Variants in STXBP5L observed in about 807,000 individuals in gnomAD.
The protein encoded by STXBP5L is syntaxin-binding protein 5-like.
A neutral mutation model predicts 144.5 loss-of-function variants in STXBP5L; 65 were observed. That is an observed-to-expected ratio of 0.45 (90% CI 0.37 to 0.55). STXBP5L has a LOEUF of 0.55. STXBP5L is among the 20% of genes least tolerant of loss of function. The pLI, the probability that STXBP5L is intolerant of heterozygous loss-of-function variation, is 0.00. For missense variants in STXBP5L, 1,298 were observed against 1,405.5 expected, an observed-to-expected ratio of 0.92 and a Z score of 1.22; for synonymous variants, 505 against 469.6, an observed-to-expected ratio of 1.08 and a Z score of -0.97.
intron 5 of STXBP5L, among the ~76,000 whole-genome samples, chr3:121,077,770 C>G (rs1468386034): frequency 6.6e-6 from 1 of 152,126 alleles, no homozygotes; most frequent in Non-Finnish European, 1.5e-5. Flanking sequence ...TAGCTAGATA[C>G]AGAGTGTCAA....
intron 10 of STXBP5L, among the ~76,000 whole-genome samples, chr3:121,209,723 G>T (rs2048481340): frequency 6.6e-6 from 1 of 152,076 alleles, no homozygotes; most frequent in African/African-American, 2.4e-5. Context: ...GAGAATGATG[G>T]TTTCCAGCTT....
intron 23 of STXBP5L, among the ~76,000 whole-genome samples, chr3:121,410,437 A>G (rs573202157): frequency 2.0e-5 from 3 of 152,154 alleles, no homozygotes; most frequent in South Asian, 4.1e-4. Flanking sequence ...CTAGGAAACA[A>G]TGGTATGTAC....
At chr3:121,043,036 G>C (rs1226029524) in intron 4 of STXBP5L, among the ~76,000 whole-genome samples, 1 of 151,778 alleles carries the variant, frequency 6.6e-6, no homozygotes, top group Non-Finnish European at 1.5e-5. Context: ...TACTGGGTCT[G>C]ATCCTTTGAG....
intron 5 of STXBP5L, among the ~76,000 whole-genome samples, chr3:121,070,870 G>A (rs1022484009): frequency 3.3e-5 from 5 of 152,186 alleles, no homozygotes; most frequent in Admixed American, 2.6e-4. Context: ...TGTGGGGTTG[G>A]TATATAATGG....
chr3:121,319,554 A>T (rs2043900356), intron 20 of STXBP5L, among the ~76,000 whole-genome samples: 1 of 152,204 alleles, frequency 6.6e-6, no homozygotes, highest in African/African-American at 2.4e-5. Flanking sequence ...TATTGTAAAG[A>T]CTGTCTCATA....
intron 9 of STXBP5L, among the ~76,000 whole-genome samples, chr3:121,169,750 G>A (rs199950652): frequency 6.6e-6 from 1 of 152,178 alleles, no homozygotes; most frequent in Non-Finnish European, 1.5e-5. Context: ...AATAGTGGGA[G>A]GCTTCAACAC....
intron 19 of STXBP5L, among the ~76,000 whole-genome samples, chr3:121,312,446 C>CTTTTTTTTTTTTTTTTTTTTTTTT (rs58989280): frequency 7.8e-5 from 1 of 12,752 alleles, no homozygotes; most frequent in African/African-American, 4.3e-4. Flanking sequence ...GTATGTCAAT[C>CTTTTTTTTTTTTTTTTTTTTTTTT]TTTTTTTTTT....
chr3:121,082,409 A>G lies in STXBP5L; in HGVS notation c.471-32516A>G, dbSNP rs149817276. Among the ~76,000 whole-genome samples, 361 of 152,240 alleles carry G rather than the reference A, an allele frequency of 2.4e-3. 2 individuals are homozygous for G. Among genetic ancestry groups the G allele is most frequent in the Middle Eastern group, 0.01 (3 of 294 alleles). On this transcript the variant is annotated intron_variant, in intron 5 of 26. Transcript: ENST00000471454. ...TGTTTGGCACATGTTCATTGCTGAT[A>G]TATAGAAATACAATTAATTTTTGTT...
intron 9 of STXBP5L, among the ~76,000 whole-genome samples, chr3:121,199,946 T>G (rs555190661): frequency 1.3e-5 from 2 of 152,278 alleles, no homozygotes; most frequent in African/African-American, 4.8e-5. Flanking sequence ...GAAATTTTCT[T>G]TTTTTCTTGT....
chr3:121,335,137 A>T lies in STXBP5L; in HGVS notation c.2176+16597A>T, dbSNP rs543316541. 3.3e-5 allele frequency among the ~76,000 whole-genome samples: 5 copies of T among 152,332 alleles called. No homozygotes were observed. The East Asian group carries it at 7.7e-4, about 23-fold the overall frequency. On this transcript the variant is annotated intron_variant, in intron 20 of 26. Coordinates refer to ENST00000471454, the MANE Select transcript of STXBP5L (RefSeq NM_001308330.2). The stretch of plus-strand genomic sequence containing the variant: ...AGGATACAAGAATCAATGTACAAAA[A>T]TTACTAGCATTTCTATACACCAACA...
chr3:121,237,898 G>T (rs1274372422), intron 12 of STXBP5L, among the ~76,000 whole-genome samples: 4 of 152,144 alleles, frequency 2.6e-5, no homozygotes, highest in Non-Finnish European at 5.9e-5. Flanking sequence ...GTTCCAATAA[G>T]TTCCTAATTT....
rs541376589 is a variant in STXBP5L at position 121,041,926 on chromosome 3, A to T, written c.369+145A>T. The T allele has an allele frequency of 1.2e-5, 7 of 582,092 alleles. No individual in the cohort carries two copies. In the South Asian group the frequency reaches 1.5e-4, roughly 13 times the overall value. 36.1% of individuals were successfully genotyped at this position (582,092 alleles called of 1,614,324 possible). On this transcript the variant is annotated intron_variant, in intron 4 of 26. Coordinates refer to ENST00000471454, the MANE Select transcript of STXBP5L (RefSeq NM_001308330.2). ...CTTCTGATTATATTTTTCACAAAAG[A>T]CTGTACTCCTGTATTGGTTAATTTA...
intron 9 of STXBP5L, among the ~76,000 whole-genome samples, chr3:121,178,797 C>T (rs1251989011): frequency 6.6e-6 from 1 of 152,168 alleles, no homozygotes; most frequent in African/African-American, 2.4e-5. Context: ...CCAGGGAAGC[C>T]ATCCCTGACT....
chr3:121,250,789 G>C, intron 15 of STXBP5L, 26 bp downstream of exon 15: 1 of 1,595,940 alleles, frequency 6.3e-7, no homozygotes. Context: ...CTGTACAACA[G>C]AAACCAATTG....
intron 7 of STXBP5L, among the ~76,000 whole-genome samples, chr3:121,150,697 A>T (rs901945035): frequency 1.3e-5 from 2 of 152,100 alleles, no homozygotes; most frequent in Non-Finnish European, 2.9e-5. Flanking sequence ...AGATTATATT[A>T]TTCATTTTAT....
intron 20 of STXBP5L, among the ~76,000 whole-genome samples, chr3:121,320,889 C>T (rs1455846226): frequency 2.6e-5 from 4 of 151,904 alleles, no homozygotes; most frequent in Non-Finnish European, 2.9e-5. Context: ...TTAGTAGAGA[C>T]GGGGTTTCAC....
intron 20 of STXBP5L, among the ~76,000 whole-genome samples, chr3:121,325,835 T>C (rs1273791318): frequency 1.3e-5 from 2 of 152,000 alleles, no homozygotes; most frequent in African/African-American, 4.8e-5. Context: ...ATTATTGTTC[T>C]TATTTTGTAT....
intron 20 of STXBP5L, among the ~76,000 whole-genome samples, chr3:121,352,624 G>T (rs2045335626): frequency 1.3e-5 from 2 of 152,088 alleles, no homozygotes; most frequent in African/African-American, 4.8e-5. Flanking sequence ...CATGTCATCT[G>T]CAAACAGGGA....
intron 5 of STXBP5L, among the ~76,000 whole-genome samples, chr3:121,103,534 TA>T (rs939886608): frequency 8.5e-5 from 13 of 152,088 alleles, no homozygotes; most frequent in Non-Finnish European, 1.5e-4. Flanking sequence ...TAGAGACTAC[TA>T]GGGGGCAAGA....
Sources: allele counts gnomAD v4.1 joint callset (sites outside exome capture counted in the v4.1 genomes callset), GRCh38; gene constraint gnomAD v4.1.1; transcripts MANE v1.5; gene names NCBI Gene and HGNC (gene_info 2026-07-23, HGNC 2026-07-21).